The following WWOX variants were observed in gnomAD, a reference collection of about 807,000 sequenced individuals.
The protein encoded by WWOX is WW domain containing oxidoreductase.
In WWOX, 69 loss-of-function variants were observed where a neutral mutation model predicts 46.2. That is an observed-to-expected ratio of 1.49 (90% CI 1.23 to 1.82). The LOEUF (loss-of-function observed/expected upper bound fraction) is 1.82, where lower values mean the gene tolerates loss of function less well. Among genes scored for constraint, WWOX ranks in the 40% most tolerant of loss-of-function variants. The probability of loss-of-function intolerance (pLI) is 0.00; values close to 1 mark genes in which losing one functional copy is unlikely to be tolerated. For synonymous variants in WWOX, 359 were observed against 202.6 expected (o/e 1.77, Z -6.56); for missense variants, 919 against 542.6 (o/e 1.69, Z -6.89).
chr16:78,645,578 A>T (rs1470907489), intron 8 of WWOX, among the ~76,000 whole-genome samples: 2 of 152,138 alleles, frequency 1.3e-5, no homozygotes, highest in African/African-American at 4.8e-5. Flanking sequence ...GGGAGCCAGC[A>T]TGTTCAGAGA....
chr16:78,852,893 C>G (rs1273898181), intron 8 of WWOX, among the ~76,000 whole-genome samples: 1 of 152,132 alleles, frequency 6.6e-6, no homozygotes, highest in African/African-American at 2.4e-5. Flanking sequence ...AGCACTTTCT[C>G]AAAAAGTAGT....
At chr16:78,599,298 CTTTAAA>C (rs777269257) in intron 8 of WWOX, among the ~76,000 whole-genome samples, 15 of 152,160 alleles carry the variant, frequency 9.9e-5, no homozygotes, top group Admixed American at 5.2e-4. Context: ...CTCTCAGGGG[CTTTAAA>C]TTAATTAATC....
intron 5 of WWOX, among the ~76,000 whole-genome samples, chr16:78,368,610 A>C (rs537942979): frequency 6.6e-6 from 1 of 152,226 alleles, no homozygotes; most frequent in Non-Finnish European, 1.5e-5. Flanking sequence ...GAGAGCTTGC[A>C]CTGAGGCCAG....
intron 8 of WWOX, among the ~76,000 whole-genome samples, chr16:79,200,979 C>G (rs1228624530): frequency 6.6e-6 from 1 of 152,142 alleles, no homozygotes; most frequent in Non-Finnish European, 1.5e-5. Context: ...AGAGTTATAG[C>G]TGCTTTTGAA....
intron 8 of WWOX, among the ~76,000 whole-genome samples, chr16:78,646,941 A>T (rs2046858503): frequency 6.6e-6 from 1 of 151,922 alleles, no homozygotes; most frequent in South Asian, 2.1e-4. Context: ...TGGAGGGGGG[A>T]TGCCTTGTGG....
At chr16:78,861,095 T>C (rs539163029) in intron 8 of WWOX, among the ~76,000 whole-genome samples, 69 of 152,306 alleles carry the variant, frequency 4.5e-4, no homozygotes, top group African/African-American at 1.5e-3. Flanking sequence ...GTTGGGATTA[T>C]AGGTGTGAGC....
intron 8 of WWOX, among the ~76,000 whole-genome samples, chr16:79,099,325 A>G (rs899380210): frequency 6.6e-6 from 1 of 152,206 alleles, no homozygotes; most frequent in Non-Finnish European, 1.5e-5. Context: ...TGACTATGAT[A>G]TATCTTTCAC....
intron 4 of WWOX, among the ~76,000 whole-genome samples, chr16:78,118,146 T>C (rs912106476): frequency 2.0e-5 from 3 of 151,962 alleles, no homozygotes; most frequent in Non-Finnish European, 2.9e-5. Context: ...TGATAGACTT[T>C]AGGGTTGCAC....
chr16:78,099,676 CG>C lies in WWOX; in HGVS notation c.-100del. The C allele has an allele frequency of 1.4e-6, 2 of 1,406,774 alleles. No homozygotes were observed. Among genetic ancestry groups the C allele is most frequent in the Non-Finnish European group, 1.9e-6 (2 of 1,070,888 alleles). 87.1% of individuals were successfully genotyped at this position (1,406,774 alleles called of 1,614,324 possible). On this transcript the variant is annotated 5_prime_UTR_variant, in exon 1 of 9. Coordinates refer to ENST00000566780, the MANE Select transcript of WWOX (RefSeq NM_016373.4). ...GGCGCAGTGCGCAGGCGTGAGCGGT[CG>C]GGCCCCGACGCGCGCGGGTCTCGTT... is the stretch of plus-strand genomic sequence containing the variant.
chr16:79,091,890 C>G (rs759172363), intron 8 of WWOX, among the ~76,000 whole-genome samples: 2 of 146,968 alleles, frequency 1.4e-5, no homozygotes, highest in African/African-American at 5.1e-5. Flanking sequence ...AAGTGATTCT[C>G]CTGCCTCAGC....
chr16:78,746,251 G>A (rs762046986), intron 8 of WWOX, among the ~76,000 whole-genome samples: 12 of 152,214 alleles, frequency 7.9e-5, no homozygotes, highest in Non-Finnish European at 1.6e-4. Flanking sequence ...TAATTCTAGT[G>A]CATTGGGAGG....
intron 8 of WWOX, among the ~76,000 whole-genome samples, chr16:78,920,045 T>A (rs148108346): frequency 6.4e-4 from 97 of 152,270 alleles, no homozygotes; most frequent in African/African-American, 2.1e-3. Flanking sequence ...TAGACTAGGT[T>A]TGCCGCAGTA....
chr16:78,746,621 G>C (rs1465138770), intron 8 of WWOX, among the ~76,000 whole-genome samples: 1 of 151,492 alleles, frequency 6.6e-6, no homozygotes, highest in Non-Finnish European at 1.5e-5. Flanking sequence ...TGGGATATTA[G>C]TCAACATGAT....
At chr16:78,218,180 G>T (rs916840249) in intron 5 of WWOX, among the ~76,000 whole-genome samples, 1 of 152,008 alleles carries the variant, frequency 6.6e-6, no homozygotes, top group Non-Finnish European at 1.5e-5. Flanking sequence ...TCAGCCTCCC[G>T]AGTAGCTTGT....
intron 8 of WWOX, among the ~76,000 whole-genome samples, chr16:78,445,900 A>AGG (rs141192694): frequency 7.6e-6 from 1 of 132,318 alleles, no homozygotes; most frequent in Admixed American, 7.8e-5. Context: ...AGGGCAGGGG[A>AGG]GGGGGGAAAG....
chr16:79,119,208 T>C (rs2049578358), intron 8 of WWOX, among the ~76,000 whole-genome samples: 1 of 151,946 alleles, frequency 6.6e-6, no homozygotes, highest in Non-Finnish European at 1.5e-5. Flanking sequence ...AAAAAATCAT[T>C]ACTAATATGA....
At chr16:78,105,243 G>C (rs1208708910) in intron 1 of WWOX, among the ~76,000 whole-genome samples, 1 of 152,126 alleles carries the variant, frequency 6.6e-6, no homozygotes, top group South Asian at 2.1e-4. Flanking sequence ...AGGTGGATCA[G>C]TTGAGGTCAG....
intron 8 of WWOX, among the ~76,000 whole-genome samples, chr16:78,981,080 T>C (rs1014207398): frequency 2.6e-5 from 4 of 152,222 alleles, no homozygotes; most frequent in Non-Finnish European, 4.4e-5. Flanking sequence ...CCTGGGAGCC[T>C]CATTCGAGTT....
intron 8 of WWOX, among the ~76,000 whole-genome samples, chr16:78,541,858 C>T (rs1291238007): frequency 6.6e-6 from 1 of 151,850 alleles, no homozygotes; most frequent in African/African-American, 2.4e-5. Flanking sequence ...TTTTTGTCTC[C>T]TGTTGTGAAC....
Sources: allele counts gnomAD v4.1 joint callset (sites outside exome capture counted in the v4.1 genomes callset), GRCh38; gene constraint gnomAD v4.1.1; transcripts MANE v1.5; gene names NCBI Gene and HGNC (gene_info 2026-07-23, HGNC 2026-07-21).